Variants in GFRA1 observed in about 807,000 individuals in gnomAD.
GFRA1 encodes GDNF family receptor alpha-1.
Under a neutral mutation model 51.6 loss-of-function variants are expected in GFRA1, and 16 were observed. The ratio of observed to expected loss-of-function variants is 0.31; its 90% confidence interval spans 0.21 to 0.47. The LOEUF (loss-of-function observed/expected upper bound fraction) is 0.47. Ranked by LOEUF, GFRA1 falls within the 20% of genes least tolerant of loss-of-function variation. GFRA1 has a pLI of 1.00. For missense variants in GFRA1, 530 were observed against 594.3 expected (o/e 0.89, Z 1.13); for synonymous variants, 270 against 241.3 (o/e 1.12, Z -1.10).
intron 5 of GFRA1, among the ~76,000 whole-genome samples, chr10:116,148,043 C>CAT (rs1565610323): frequency 1.0e-4 from 9 of 87,454 alleles, no homozygotes; most frequent in Non-Finnish European, 1.9e-4. Flanking sequence ...TGTGCATGTG[C>CAT]GTGTGTGCAT....
chr10:116,163,268 G>A (rs1960017756), intron 5 of GFRA1, among the ~76,000 whole-genome samples: 1 of 152,168 alleles, frequency 6.6e-6, no homozygotes, highest in Non-Finnish European at 1.5e-5. Context: ...ACTCATGGGA[G>A]CTCAGGCCAA....
At chr10:116,215,694 G>A (rs1965513026) in intron 4 of GFRA1, among the ~76,000 whole-genome samples, 1 of 152,160 alleles carries the variant, frequency 6.6e-6, no homozygotes, top group Non-Finnish European at 1.5e-5. Context: ...AGTATGGAGT[G>A]GGGAATTGCC....
At chr10:116,238,111 T>G (rs758035698) in intron 4 of GFRA1, among the ~76,000 whole-genome samples, 16 of 152,190 alleles carry the variant, frequency 1.1e-4, no homozygotes, top group East Asian at 3.9e-4. Flanking sequence ...ACGCTCAGTC[T>G]TCCAATAAAT....
chr10:116,186,027 G>A (rs899903486), intron 5 of GFRA1, among the ~76,000 whole-genome samples: 1 of 152,172 alleles, frequency 6.6e-6, no homozygotes, highest in Admixed American at 6.5e-5. Flanking sequence ...TAGGGGGGTA[G>A]TAGGTGGGAG....
chr10:116,159,380 A>G (rs141051829), intron 5 of GFRA1, among the ~76,000 whole-genome samples: 2 of 152,184 alleles, frequency 1.3e-5, no homozygotes, highest in Admixed American at 6.5e-5. Flanking sequence ...AGCACTTTTC[A>G]TCACTGCAGA....
chr10:116,088,755 C>T (rs185746702), intron 9 of GFRA1, among the ~76,000 whole-genome samples: 1 of 151,588 alleles, frequency 6.6e-6, no homozygotes, highest in African/African-American at 2.4e-5. Context: ...CACGTCTCTA[C>T]CAAAAAATAC....
Position 116,088,920 on chromosome 10 carries a change from C to CAAA in GFRA1, c.1197+818_1197+820dup, listed in dbSNP as rs58590152. ...TGGGTGACACAGCGAGACTCTGTCT[C>CAAA]AAAAAAAAAAAAAAAAAAAAAAAAA... On this transcript the variant is annotated intron_variant, in intron 9 of 10. Coordinates refer to ENST00000355422, the MANE Select transcript of GFRA1 (RefSeq NM_005264.8). Among the ~76,000 whole-genome samples the CAAA allele has an allele frequency of 2.7e-4, 13 of 49,050 alleles. No individual in the cohort carries two copies. The East Asian group carries it at 3.5e-3, about 13-fold the overall frequency. 32.2% of individuals were successfully genotyped at this position (49,050 alleles called of 152,430 possible). A position where few individuals can be genotyped will look rare whatever the true frequency, so the allele number is the denominator to read the frequency against.
At chr10:116,248,269 T>C (rs115551527) in intron 4 of GFRA1, among the ~76,000 whole-genome samples, 1,867 of 152,282 alleles carry the variant, frequency 0.012, 32 homozygotes, top group African/African-American at 0.042. Context: ...CCACTTGCTA[T>C]GAGGCTGGGC....
intron 4 of GFRA1, chr10:116,226,870 C>T (rs1966331621): frequency 3.9e-6 from 1 of 255,364 alleles, no homozygotes. Flanking sequence ...AACATAGATC[C>T]CTCTCATGTG....
chr10:116,086,878 T>G (rs961570364), intron 9 of GFRA1, among the ~76,000 whole-genome samples: 3 of 152,268 alleles, frequency 2.0e-5, no homozygotes, highest in African/African-American at 7.2e-5. Context: ...AGTGCAGTGG[T>G]GCAATCACGG....
chr10:116,094,066 A>C (rs1956471879), intron 7 of GFRA1, among the ~76,000 whole-genome samples: 1 of 152,224 alleles, frequency 6.6e-6, no homozygotes, highest in Non-Finnish European at 1.5e-5. Flanking sequence ...CTTGAGCTGC[A>C]CTTAGGGTAT....
At chr10:116,162,807 A>G (rs1027676769) in intron 5 of GFRA1, among the ~76,000 whole-genome samples, 1 of 151,528 alleles carries the variant, frequency 6.6e-6, no homozygotes, top group African/African-American at 2.4e-5. Flanking sequence ...TAAAAGAAAG[A>G]AAAAAAAAAG....
intron 6 of GFRA1, among the ~76,000 whole-genome samples, chr10:116,108,087 C>G (rs937530025): frequency 1.3e-5 from 2 of 152,148 alleles, no homozygotes; most frequent in African/African-American, 2.4e-5. Flanking sequence ...GAATGGATTT[C>G]TGAATGGCTA....
intron 5 of GFRA1, among the ~76,000 whole-genome samples, chr10:116,186,617 C>T (rs1589854611): frequency 6.7e-6 from 1 of 149,874 alleles, no homozygotes; most frequent in African/African-American, 2.5e-5. Context: ...CATACTGTTT[C>T]CCATCCAATT....
intron 9 of GFRA1, among the ~76,000 whole-genome samples, chr10:116,089,201 C>T (rs1021749082): frequency 2.6e-5 from 4 of 152,148 alleles, no homozygotes; most frequent in Non-Finnish European, 5.9e-5. Flanking sequence ...TGCCTCCTCA[C>T]GGCTCCTCCT....
rs1958300274 is a variant in GFRA1 at position 116,135,835 on chromosome 10, T to C, written c.434-10278A>G. ...CCATAATTGGATTTCAATTTAGTAA[T>C]AGTCAGTCTAAGACAGGCCATTTTT... On this transcript the variant is annotated intron_variant, in intron 5 of 10. Coordinates refer to ENST00000355422, the MANE Select transcript of GFRA1 (RefSeq NM_005264.8). Among the ~76,000 whole-genome samples, 4 of 152,204 alleles carry C rather than the reference T, an allele frequency of 2.6e-5. No homozygotes were observed. In the South Asian group the frequency reaches 8.3e-4, roughly 31 times the overall value.
chr10:116,274,309 G>A (rs1283585325), upstream of GFRA1, among the ~76,000 whole-genome samples: 4 of 152,168 alleles, frequency 2.6e-5, no homozygotes, highest in Non-Finnish European at 2.9e-5. Context: ...TTCATCTCTC[G>A]GGGAGACCGA....
intron 9 of GFRA1, among the ~76,000 whole-genome samples, chr10:116,083,001 G>A (rs953184024): frequency 6.6e-6 from 1 of 152,174 alleles, no homozygotes; most frequent in African/African-American, 2.4e-5. Flanking sequence ...TACTTGCACT[G>A]TTCTTTATCC....
At chr10:116,254,536 A>C (rs1356849624) in intron 4 of GFRA1, among the ~76,000 whole-genome samples, 1 of 151,924 alleles carries the variant, frequency 6.6e-6, no homozygotes, top group Non-Finnish European at 1.5e-5. Context: ...GAAAAAAAGA[A>C]AGAAAGCATC....
Sources: gnomAD v4.1 joint callset for allele counts (sites outside exome capture counted in the v4.1 genomes callset) on GRCh38, gnomAD v4.1.1 for gene constraint, MANE v1.5 for transcripts, NCBI Gene and HGNC (gene_info 2026-07-23, HGNC 2026-07-21) for gene names.